Variants in AFF1 observed in about 807,000 individuals in gnomAD.
AFF1 encodes the protein AF4/FMR2 family member 1.
Under a neutral mutation model 121.7 loss-of-function variants are expected in AFF1, and 48 were observed. The observed-to-expected ratio is 0.39, with a 90% CI of 0.31 to 0.50. The LOEUF is 0.50. Among genes scored for constraint, AFF1 ranks in the 20% least tolerant of loss-of-function variants. The pLI is 0.76. For synonymous variants in AFF1, 613 were observed against 563.0 expected (o/e 1.09, Z -1.26); for missense variants, 1,523 against 1,511.7 (o/e 1.01, Z -0.12).
At chr4:87,131,036 T>G (rs777511787) in intron 16 of AFF1, 47 bp from the exon 17 acceptor site, 1 of 1,601,304 alleles carries the variant, frequency 6.2e-7, no homozygotes. Flanking sequence ...AGAAACTAAA[T>G]CAAGGTTTGT....
intron 11 of AFF1, among the ~76,000 whole-genome samples, chr4:87,111,999 T>C (rs921333314): frequency 6.6e-6 from 1 of 152,140 alleles, no homozygotes; most frequent in Non-Finnish European, 1.5e-5. Context: ...GGTTCACACA[T>C]AAATAGTCTT....
chr4:87,094,410 A>C (rs916312586), intron 7 of AFF1, among the ~76,000 whole-genome samples: 1 of 152,184 alleles, frequency 6.6e-6, no homozygotes, highest in Non-Finnish European at 1.5e-5. Context: ...CAAATGCCTT[A>C]AACATGTTGG....
rs903061048 is a variant in AFF1, at chr4:86,966,346, C to A, written c.38+17775C>A. On this transcript the variant is annotated intron_variant, in intron 2 of 20. Coordinates refer to ENST00000395146, the MANE Select transcript of AFF1 (RefSeq NM_001166693.3). The stretch of plus-strand genomic sequence containing the variant: ...CCTTGTGATTCTGATGAGGCCCTCT[C>A]AATTTCTCACCAAACTTCCTTTTGT... 2.0e-5 allele frequency among the ~76,000 whole-genome samples: 3 copies of A among 152,238 alleles called. No homozygotes were observed. The East Asian group carries it at 5.8e-4, about 29-fold the overall frequency.
At position 87,047,583 on chromosome 4, in the gene AFF1, C is replaced by T; in HGVS notation, c.1048C>T (p.Gln350Ter). 6.2e-7 allele frequency: 1 copy of T among 1,614,168 alleles called. No homozygotes were observed. The highest frequency in any genetic ancestry group is 8.5e-7 in the Non-Finnish European group (1 of 1,180,038). The change falls in exon 4 of 21, where the codon CAG (glutamine) becomes TAG (stop). Residue 350 changes from glutamine (Q) to a stop codon, truncating the protein, a stop_gained. Coordinates refer to ENST00000395146, the MANE Select transcript of AFF1 (RefSeq NM_001166693.3). LOFTEE classifies it high-confidence loss of function. ...AKLTKLKMPS[Q>*]SVEQTYSNEV... is the part of the protein sequence containing the mutation. Reference sequence around the variant, plus strand: ...GCTCACCAAACTGAAGATGCCTTCTCAGTCAGTTGAGGTGTGTGGAATTTC... The same window carrying T: ...GCTCACCAAACTGAAGATGCCTTCTTAGTCAGTTGAGGTGTGTGGAATTTC...
chr4:87,115,142 T>C lies in AFF1; in HGVS notation c.2309T>C (p.Val770Ala). Residue 770 changes from valine (V) to alanine (A), a missense_variant, in exon 12 of 21, where the codon GTG becomes GCG. Val to Ala is a moderately conservative substitution (Grantham distance 64, BLOSUM62 0). This residue lies in a region of AFF1 where 905 missense variants were observed against 842.5 expected (regional missense o/e 1.07). Transcript: ENST00000395146. The stretch of plus-strand genomic sequence containing the variant: ...ACTCCTCCCCCACAAAGCTTGATGG[T>C]GAAGATCACCCTAGACCTGCTCTCT... ...RDTPPPQSLM[V>A]KITLDLLSRI... 3 of 1,614,082 alleles carry C rather than the reference T, an allele frequency of 1.9e-6. No individual in the cohort carries two copies. Among genetic ancestry groups the C allele is most frequent in the Non-Finnish European group, 2.5e-6 (3 of 1,180,022 alleles).
At chr4:87,064,280 A>G (rs1038602473) in intron 4 of AFF1, among the ~76,000 whole-genome samples, 1 of 152,206 alleles carries the variant, frequency 6.6e-6, no homozygotes, top group Non-Finnish European at 1.5e-5. Context: ...AAGATTAAAC[A>G]TATTTTCATG....
intron 4 of AFF1, among the ~76,000 whole-genome samples, chr4:87,077,000 T>C (rs1049122860): frequency 6.6e-6 from 1 of 152,236 alleles, no homozygotes; most frequent in African/African-American, 2.4e-5. Context: ...GATTATGGTG[T>C]CTTCATATAA....
intron 2 of AFF1, among the ~76,000 whole-genome samples, chr4:86,971,966 A>G (rs564926722): frequency 2.6e-5 from 4 of 152,102 alleles, no homozygotes; most frequent in African/African-American, 9.6e-5. Context: ...GTGAGACTCC[A>G]TCTCTACAAA....
intron 8 of AFF1, among the ~76,000 whole-genome samples, chr4:87,098,505 T>C (rs945526998): frequency 6.6e-6 from 1 of 152,232 alleles, no homozygotes; most frequent in Admixed American, 6.5e-5. Context: ...GACAATTCTT[T>C]TTCTGTGCAG....
At chr4:87,032,788 A>C (rs1436840774) in intron 2 of AFF1, among the ~76,000 whole-genome samples, 1 of 152,118 alleles carries the variant, frequency 6.6e-6, no homozygotes, top group Non-Finnish European at 1.5e-5. Flanking sequence ...GGAGCCCTAC[A>C]ATTTTTTTTT....
chr4:87,027,419 G>C (rs1728629989), intron 2 of AFF1, among the ~76,000 whole-genome samples: 1 of 152,198 alleles, frequency 6.6e-6, no homozygotes, highest in Admixed American at 6.5e-5. Context: ...GACCACTCTT[G>C]AGTTCCTTTC....
intron 4 of AFF1, 52 bp downstream of exon 4, chr4:87,047,646 A>T (rs6854749): frequency 0.2 from 323,711 of 1,610,108 alleles, 34,232 homozygotes; most frequent in East Asian, 0.34. Flanking sequence ...CGGATTTGAG[A>T]TGAAAATGTC....
chr4:86,990,745 C>G (rs1724636435), intron 2 of AFF1, among the ~76,000 whole-genome samples: 1 of 152,164 alleles, frequency 6.6e-6, no homozygotes, highest in South Asian at 2.1e-4. Flanking sequence ...GAACTTGATT[C>G]AACTCTGAGA....
chr4:87,012,587 G>A (rs1726889510), intron 2 of AFF1, among the ~76,000 whole-genome samples: 1 of 152,080 alleles, frequency 6.6e-6, no homozygotes, highest in Non-Finnish European at 1.5e-5. Flanking sequence ...AGTATTTTCT[G>A]TCTCCTTCAG....
At chr4:87,065,184 A>G (rs1191884170) in intron 4 of AFF1, among the ~76,000 whole-genome samples, 2 of 152,236 alleles carry the variant, frequency 1.3e-5, no homozygotes, top group East Asian at 1.9e-4. Context: ...ACAGTTCCAC[A>G]TGGAAGCCTC....
chr4:87,078,098 C>G (rs1193933704), intron 4 of AFF1, among the ~76,000 whole-genome samples: 1 of 152,108 alleles, frequency 6.6e-6, no homozygotes, highest in Non-Finnish European at 1.5e-5. Flanking sequence ...GATTTGAGTG[C>G]CTATTTCCCC....
chr4:86,963,772 G>C (rs1722319274), intron 2 of AFF1, among the ~76,000 whole-genome samples: 1 of 151,530 alleles, frequency 6.6e-6, no homozygotes, highest in African/African-American at 2.4e-5. Flanking sequence ...TTAAGGTTCA[G>C]CTGAAATACC....
chr4:86,995,557 G>A (rs1412646055), intron 2 of AFF1, among the ~76,000 whole-genome samples: 1 of 151,952 alleles, frequency 6.6e-6, no homozygotes, highest in Non-Finnish European at 1.5e-5. Flanking sequence ...CGAGTGATCC[G>A]CCAGCCTCGG....
intron 2 of AFF1, among the ~76,000 whole-genome samples, chr4:86,962,237 C>T (rs1351278176): frequency 1.3e-5 from 2 of 149,934 alleles, no homozygotes; most frequent in Non-Finnish European, 3.0e-5. Context: ...CACTGGGACC[C>T]TGCCACTAAA....
Sources: allele counts gnomAD v4.1 joint callset (sites outside exome capture counted in the v4.1 genomes callset), GRCh38; gene constraint gnomAD v4.1.1; regional missense constraint gnomAD v4.1.1; transcripts MANE v1.5; gene names NCBI Gene and HGNC (gene_info 2026-07-23, HGNC 2026-07-21).